The following GRIK2 variants were observed in gnomAD, a reference collection of about 807,000 sequenced individuals.
GRIK2 encodes the protein glutamate ionotropic receptor kainate type subunit 2, also known as glutamate receptor ionotropic, kainate 2.
A neutral mutation model predicts 100.3 loss-of-function variants in GRIK2; 32 were observed. The ratio of observed to expected loss-of-function variants is 0.32; its 90% confidence interval spans 0.24 to 0.43. The LOEUF (loss-of-function observed/expected upper bound fraction) is 0.43. Ranked by LOEUF, GRIK2 falls within the 20% of genes least tolerant of loss-of-function variation. GRIK2 has a pLI of 1.00. For missense variants in GRIK2, 843 were observed against 1,114.9 expected, an observed-to-expected ratio of 0.76 and a Z score of 3.47; for synonymous variants, 417 against 389.4, an observed-to-expected ratio of 1.07 and a Z score of -0.83.
chr6:101,970,249 A>G (rs1463517137), intron 14 of GRIK2, among the ~76,000 whole-genome samples: 1 of 151,564 alleles, frequency 6.6e-6, no homozygotes, highest in African/African-American at 2.4e-5. Context: ...AAATGTGGCC[A>G]TCTCAAGCAG....
At chr6:101,725,211 C>G (rs1366901241) in intron 7 of GRIK2, among the ~76,000 whole-genome samples, 1 of 151,972 alleles carries the variant, frequency 6.6e-6, no homozygotes, top group Non-Finnish European at 1.5e-5. Flanking sequence ...ATTTCTTTCC[C>G]TAGTTCTTGT....
At chr6:101,438,614 T>C (rs759244018) in intron 2 of GRIK2, among the ~76,000 whole-genome samples, 1 of 152,116 alleles carries the variant, frequency 6.6e-6, no homozygotes, top group Non-Finnish European at 1.5e-5. Flanking sequence ...CTCAACATCG[T>C]TCTGGCACAC....
intron 2 of GRIK2, among the ~76,000 whole-genome samples, chr6:101,435,506 T>C (rs1459774886): frequency 7.2e-5 from 11 of 152,152 alleles, no homozygotes; most frequent in East Asian, 5.8e-4. Flanking sequence ...AGTTTTTTCA[T>C]TGTGGTCCAG....
chr6:101,653,954 G>C (rs1781939008), intron 4 of GRIK2, among the ~76,000 whole-genome samples: 1 of 151,934 alleles, frequency 6.6e-6, no homozygotes, highest in South Asian at 2.1e-4. Context: ...AATTATACCG[G>C]CTTATGCACT....
In GRIK2 at chr6:101,495,758, G is replaced by T. The variant is rs114198557; in HGVS notation, c.115+96366G>T. On this transcript the variant is annotated intron_variant, in intron 2 of 16. Transcript: ENST00000369134. The stretch of plus-strand genomic sequence containing the variant: ...TTCAGACCTCAAACAGGGTATATTG[G>T]AGATGTGCATTTTACTTACCAATGT... Among the ~76,000 whole-genome samples, 568 of 151,934 alleles carry T rather than the reference G, an allele frequency of 3.7e-3. 1 individual carries two copies. The highest frequency in any genetic ancestry group is 0.013 in the African/African-American group (537 of 41,450).
At position 101,983,110 on chromosome 6, in the gene GRIK2, C is replaced by T. The variant is rs546789856; in HGVS notation, c.2086-52231C>T. Among the ~76,000 whole-genome samples the T allele has an allele frequency of 3.3e-5, 5 of 151,874 alleles. No individual in the cohort carries two copies. The East Asian group carries it at 9.7e-4, about 30-fold the overall frequency. On this transcript the variant is annotated intron_variant, in intron 14 of 16. Transcript: ENST00000369134. ...AAATGGCCACCTTATTATCAACGAG[C>T]TTGAACTTTCAATTGATTTAATATG...
intron 9 of GRIK2, among the ~76,000 whole-genome samples, chr6:101,804,687 T>C (rs1235596990): frequency 2.0e-5 from 3 of 151,904 alleles, no homozygotes; most frequent in African/African-American, 7.2e-5. Context: ...TAAACTGGCA[T>C]AAACCTTCCC....
intron 2 of GRIK2, among the ~76,000 whole-genome samples, chr6:101,611,206 A>G (rs758563841): frequency 6.6e-6 from 1 of 151,880 alleles, no homozygotes; most frequent in Non-Finnish European, 1.5e-5. Flanking sequence ...AAGCACATTT[A>G]CATGCCAGAA....
At chr6:101,722,516 TAAC>T (rs1399991306) in intron 7 of GRIK2, among the ~76,000 whole-genome samples, 3 of 152,054 alleles carry the variant, frequency 2.0e-5, no homozygotes, top group Non-Finnish European at 4.4e-5. Context: ...ATAGATCTGA[TAAC>T]AACTCATAGC....
At position 101,678,812 on chromosome 6, in the gene GRIK2, A is replaced by T. The variant is rs78031502; in HGVS notation, c.723+2008A>T. Among the ~76,000 whole-genome samples, 261 of 152,352 alleles carry T rather than the reference A, an allele frequency of 1.7e-3. 1 individual carries two copies. Among genetic ancestry groups the T allele is most frequent in the Non-Finnish European group, 2.7e-3 (182 of 68,040 alleles). On this transcript the variant is annotated intron_variant, in intron 5 of 16. Transcript: ENST00000369134. ...TGCAGAAAAATAAATGGCCTTAATC[A>T]GTTTACTCTTGTGCGTTTGTTTGTG...
At chr6:101,900,402 A>T (rs1419343102) in intron 12 of GRIK2, among the ~76,000 whole-genome samples, 1 of 152,124 alleles carries the variant, frequency 6.6e-6, no homozygotes, top group South Asian at 2.1e-4. Context: ...AGGCAGAGGT[A>T]GCGGTGAGCC....
At position 101,913,487 on chromosome 6, in the gene GRIK2, G is replaced by A. The variant is rs181472663; in HGVS notation, c.1749-11114G>A. On this transcript the variant is annotated intron_variant, in intron 12 of 16. Transcript: ENST00000369134. ...CTATTTTCAGTATTGTTCTAATGCT[G>A]TAAGAGATGTAAAATTAAAATGACA... Among the ~76,000 whole-genome samples the A allele has an allele frequency of 6.9e-4, 105 of 151,600 alleles. 1 individual carries two copies. The highest frequency in any genetic ancestry group is 2.7e-3 in the East Asian group (14 of 5,156).
At chr6:101,523,930 C>T (rs745705766) in intron 2 of GRIK2, among the ~76,000 whole-genome samples, 19 of 151,986 alleles carry the variant, frequency 1.3e-4, no homozygotes, top group Non-Finnish European at 2.4e-4. Flanking sequence ...CCATATTGGT[C>T]GGGCTGGCCT....
At chr6:101,876,852 T>C (rs1156617380) in intron 11 of GRIK2, among the ~76,000 whole-genome samples, 1 of 151,926 alleles carries the variant, frequency 6.6e-6, no homozygotes, top group African/African-American at 2.4e-5. Context: ...TTTTAGGTTA[T>C]TTCACTACAC....
intron 4 of GRIK2, among the ~76,000 whole-genome samples, chr6:101,668,186 T>C (rs1488324925): frequency 6.6e-6 from 1 of 152,186 alleles, no homozygotes; most frequent in African/African-American, 2.4e-5. Context: ...AAAAACTCTT[T>C]GAAGATTTCC....
chr6:101,400,522 G>A (rs1362656003), intron 2 of GRIK2, among the ~76,000 whole-genome samples: 1 of 152,198 alleles, frequency 6.6e-6, no homozygotes, highest in African/African-American at 2.4e-5. Flanking sequence ...TCAGACCAAA[G>A]AGTGCAGGAC....
At chr6:101,957,176 A>G (rs916470008) in intron 14 of GRIK2, among the ~76,000 whole-genome samples, 2 of 152,080 alleles carry the variant, frequency 1.3e-5, no homozygotes, top group African/African-American at 2.4e-5. Context: ...TGAGGTTTTA[A>G]TAATAGCCAT....
chr6:102,025,812 G>C (rs1769665745), intron 14 of GRIK2, among the ~76,000 whole-genome samples: 1 of 151,000 alleles, frequency 6.6e-6, no homozygotes, highest in Non-Finnish European at 1.5e-5. Context: ...ATACCAAGCT[G>C]GTGGTCAATA....
intron 2 of GRIK2, among the ~76,000 whole-genome samples, chr6:101,527,425 C>T (rs770473592): frequency 1.4e-4 from 21 of 151,834 alleles, no homozygotes; most frequent in Admixed American, 2.6e-4. Flanking sequence ...CAAAGCTCAC[C>T]AAAAAAGGAC....
Sources: allele counts gnomAD v4.1 joint callset (sites outside exome capture counted in the v4.1 genomes callset), GRCh38; gene constraint gnomAD v4.1.1; transcripts MANE v1.5; gene names NCBI Gene and HGNC (gene_info 2026-07-23, HGNC 2026-07-21).